The following PCDH11X variants were observed in gnomAD, a reference collection of about 807,000 sequenced individuals.
PCDH11X encodes the protein protocadherin-11 X-linked.
A neutral mutation model predicts 53.3 loss-of-function variants in PCDH11X; 18 were observed. The observed-to-expected ratio is 0.34, with a 90% CI of 0.23 to 0.50. The LOEUF is 0.50. PCDH11X is among the 20% of genes least tolerant of loss of function. The pLI, the probability that PCDH11X is intolerant of heterozygous loss-of-function variation, is 0.98. For missense variants in PCDH11X, 570 were observed against 1,032.4 expected (o/e 0.55, Z 6.14); for synonymous variants, 279 against 393.3 (o/e 0.71, Z 3.44).
chrX:92,279,646 A>G (rs2068202695), intron 8 of PCDH11X, among the ~76,000 whole-genome samples: 1 of 112,480 alleles, frequency 8.9e-6, no homozygotes, highest in Non-Finnish European at 1.9e-5. Flanking sequence ...CTTTTTAAAC[A>G]AACGCTCCTA....
At position 91,877,734 on chromosome X, in the gene PCDH11X, T is replaced by C. The variant is rs767466938; in HGVS notation, c.1494T>C (p.Asn498=). 4.1e-6 allele frequency: 5 copies of C among 1,209,736 alleles called. No individual in the cohort carries two copies. The East Asian group carries it at 1.2e-4, about 29-fold the overall frequency. ...CAATGGATGCAGACAGTGGGCCTAATGCTAAGATCAATTACCTGCTAGGCC... is the reference window on the plus strand; with the variant it reads ...CAATGGATGCAGACAGTGGGCCTAACGCTAAGATCAATTACCTGCTAGGCC... ...VSAMDADSGP[N]AKINYLLGPD... The change falls in exon 6 of 11, where the codon AAT becomes AAC. Residue 498 remains asparagine (N), a synonymous_variant. Coordinates refer to ENST00000682573, the MANE Select transcript of PCDH11X (RefSeq NM_032968.5).
chrX:92,277,232 A>G (rs986405334), intron 8 of PCDH11X, among the ~76,000 whole-genome samples: 12 of 110,599 alleles, frequency 1.1e-4, no homozygotes, highest in Middle Eastern at 4.6e-3. Flanking sequence ...AGAGACTAGG[A>G]AGGGACTGAT....
At chrX:92,302,256 T>C (rs1305858248) in intron 8 of PCDH11X, among the ~76,000 whole-genome samples, 2 of 111,114 alleles carry the variant, frequency 1.8e-5, no homozygotes, top group South Asian at 3.8e-4. Flanking sequence ...AAAGGGAATG[T>C]TGTGTTCTTG....
chrX:92,454,510 T>C (rs2072871687), intron 9 of PCDH11X, among the ~76,000 whole-genome samples: 1 of 108,893 alleles, frequency 9.2e-6, no homozygotes, highest in African/African-American at 3.3e-5. Flanking sequence ...AAATATTTTT[T>C]CTTTTTTTAA....
chrX:92,259,105 C>G (rs770941009), intron 7 of PCDH11X, among the ~76,000 whole-genome samples: 11 of 110,460 alleles, frequency 1.0e-4, no homozygotes, highest in Admixed American at 5.9e-4. Flanking sequence ...TTTAACAAGT[C>G]TCTAGGAATT....
intron 4 of PCDH11X, among the ~76,000 whole-genome samples, chrX:91,825,158 G>C (rs1936863242): frequency 9.1e-6 from 1 of 109,683 alleles, no homozygotes; most frequent in South Asian, 3.7e-4. Flanking sequence ...CAGAGGTGGA[G>C]CCTACAGAGG....
chrX:92,466,498 G>T (rs1479344606), intron 9 of PCDH11X, among the ~76,000 whole-genome samples: 1 of 109,155 alleles, frequency 9.2e-6, no homozygotes, highest in Non-Finnish European at 1.9e-5. Context: ...TGGGAAAATG[G>T]TTCCTTTTCT....
intron 10 of PCDH11X, among the ~76,000 whole-genome samples, chrX:92,545,437 T>C (rs1220407076): frequency 4.5e-4 from 42 of 93,979 alleles, no homozygotes; most frequent in African/African-American, 1.5e-3. Context: ...AGTCTCGCTC[T>C]GTCACCCAGG....
At chrX:91,792,000 T>A (rs1935568338) in intron 1 of PCDH11X, among the ~76,000 whole-genome samples, 1 of 109,029 alleles carries the variant, frequency 9.2e-6, no homozygotes, top group Non-Finnish European at 1.9e-5. Context: ...TAGCTGGGAC[T>A]ACAGGCGCCC....
At chrX:91,854,188 T>C (rs1401477137) in intron 5 of PCDH11X, among the ~76,000 whole-genome samples, 1 of 111,562 alleles carries the variant, frequency 9.0e-6, no homozygotes, top group African/African-American at 3.3e-5. Context: ...GTAACCACCT[T>C]CTACTCTCTG....
At chrX:92,255,522 T>C (rs1381968581) in intron 7 of PCDH11X, among the ~76,000 whole-genome samples, 14 of 108,559 alleles carry the variant, frequency 1.3e-4, no homozygotes, top group Middle Eastern at 4.7e-3. Context: ...GCGCTCTGAT[T>C]TTTAGAGTTT....
chrX:92,032,028 T>C (rs1427316922), intron 6 of PCDH11X, among the ~76,000 whole-genome samples: 1 of 112,024 alleles, frequency 8.9e-6, no homozygotes, highest in Non-Finnish European at 1.9e-5. Context: ...AAGAATGTTA[T>C]TGGTATTCTT....
chrX:92,341,939 C>T (rs1455839724), intron 8 of PCDH11X, among the ~76,000 whole-genome samples: 1 of 111,815 alleles, frequency 8.9e-6, no homozygotes, highest in East Asian at 2.8e-4. Flanking sequence ...AAACACAAAT[C>T]CAACAATGGA....
intron 1 of PCDH11X, among the ~76,000 whole-genome samples, chrX:91,787,609 A>T (rs1246033329): frequency 9.0e-6 from 1 of 111,488 alleles, no homozygotes; most frequent in Non-Finnish European, 1.9e-5. Flanking sequence ...AAGGGAAAAA[A>T]AATCCTGTGA....
chrX:92,482,453 T>C (rs867974563), intron 10 of PCDH11X, among the ~76,000 whole-genome samples: 1 of 111,030 alleles, frequency 9.0e-6, no homozygotes, highest in Middle Eastern at 5.0e-3. Context: ...TCTGTTCTTT[T>C]ATCATTATTA....
At chrX:92,406,363 A>G (rs2071514857) in intron 9 of PCDH11X, among the ~76,000 whole-genome samples, 1 of 106,678 alleles carries the variant, frequency 9.4e-6, no homozygotes, top group Non-Finnish European at 1.9e-5. Flanking sequence ...TAACCTGTTC[A>G]TAACTACTTA....
chrX:91,879,311 T>A (rs1248617996), intron 6 of PCDH11X, 38 bp downstream of exon 6: 3 of 1,206,373 alleles, frequency 2.5e-6, no homozygotes, highest in Non-Finnish European at 3.4e-6. Context: ...TTCTAACTAT[T>A]TTTTTATTAT....
rs764386893 is a variant in PCDH11X, at chrX:92,387,898, G to A, written c.3308G>A (p.Arg1103His). The A allele has an allele frequency of 2.7e-5, 33 of 1,208,327 alleles. No individual in the cohort carries two copies. Among genetic ancestry groups the A allele is most frequent in the Non-Finnish European group, 3.4e-5 (30 of 894,761 alleles). The change falls in exon 9 of 11, where the codon CGC becomes CAC. Residue 1103 changes from arginine (R) to histidine (H), a missense_variant. Around this residue, in one of 6 missense-constraint regions of PCDH11X, gnomAD observed 234 missense variants for 296.1 expected, o/e 0.79. Transcript: ENST00000682573. Reference sequence around the variant, plus strand: ...TTTGATCGTGCTACACCCAGCAATCGCACTGAAGGGGATGGCAACTCCGAT... The same window carrying A: ...TTTGATCGTGCTACACCCAGCAATCACACTGAAGGGGATGGCAACTCCGAT... Reference protein sequence around the residue: ...EYFDRATPSNRTEGDGNSDPE... With the variant: ...EYFDRATPSNHTEGDGNSDPE...
intron 9 of PCDH11X, among the ~76,000 whole-genome samples, chrX:92,452,123 G>T (rs1458808689): frequency 9.3e-6 from 1 of 107,927 alleles, no homozygotes; most frequent in Non-Finnish European, 1.9e-5. Flanking sequence ...ATTATATCCA[G>T]ACTAAATGCC....
Sources: gnomAD v4.1 joint callset for allele counts (sites outside exome capture counted in the v4.1 genomes callset) on GRCh38, gnomAD v4.1.1 for gene constraint, gnomAD v4.1.1 regional missense constraint, MANE v1.5 for transcripts, NCBI Gene and HGNC (gene_info 2026-07-23, HGNC 2026-07-21) for gene names.